The following PRR16 variants were observed in gnomAD, a reference collection of about 807,000 sequenced individuals.
The protein encoded by PRR16 is proline rich 16.
Under a neutral mutation model 18.2 loss-of-function variants are expected in PRR16, and 6 were observed. That is an observed-to-expected ratio of 0.33 (90% CI 0.18 to 0.65). The LOEUF (loss-of-function observed/expected upper bound fraction) is 0.65, where lower values mean the gene tolerates loss of function less well. Ranked by LOEUF, PRR16 falls within the 30% of genes least tolerant of loss-of-function variation. PRR16 has a pLI of 0.74. For missense variants in PRR16, 412 were observed against 376.6 expected (o/e 1.09, Z -0.78); for synonymous variants, 151 against 147.8 (o/e 1.02, Z -0.16).
At chr5:120,712,214 T>C in the PRR16 span, among the ~76,000 whole-genome samples, 1 of 152,152 alleles carries the variant, frequency 6.6e-6, no homozygotes, top group Non-Finnish European at 1.5e-5. Flanking sequence ...CCTTTGTGCG[T>C]GGTAAGAGAA....
chr5:120,520,966 A>T (rs2112651750), intron 1 of PRR16, among the ~76,000 whole-genome samples: 1 of 152,234 alleles, frequency 6.6e-6, no homozygotes, highest in South Asian at 2.1e-4. Flanking sequence ...TGTCCACAAG[A>T]GGCTTATTAG....
intron 1 of PRR16, among the ~76,000 whole-genome samples, chr5:120,478,085 T>C (rs1749500325): frequency 6.6e-6 from 1 of 152,230 alleles, no homozygotes; most frequent in African/African-American, 2.4e-5. Flanking sequence ...TTTTGTTCTC[T>C]TTTTATATTT....
At chr5:120,779,682 TAG>T in the PRR16 span, among the ~76,000 whole-genome samples, 1 of 152,186 alleles carries the variant, frequency 6.6e-6, no homozygotes, top group African/African-American at 2.4e-5. Flanking sequence ...AATTAAATAT[TAG>T]AGGGTATTTA....
intron 1 of PRR16, among the ~76,000 whole-genome samples, chr5:120,519,084 A>C (rs944970407): frequency 6.6e-6 from 1 of 152,008 alleles, no homozygotes; most frequent in African/African-American, 2.4e-5. Flanking sequence ...ATTGAATATA[A>C]CCTGCAAGGA....
At chr5:120,492,333 C>T (rs541965242) in intron 1 of PRR16, among the ~76,000 whole-genome samples, 1 of 150,604 alleles carries the variant, frequency 6.6e-6, no homozygotes, top group Non-Finnish European at 1.5e-5. Context: ...TTTTTCTAGG[C>T]TGGTCTCTAA....
intron 1 of PRR16, among the ~76,000 whole-genome samples, chr5:120,511,730 T>C (rs972025338): frequency 1.2e-4 from 18 of 152,310 alleles, no homozygotes; most frequent in African/African-American, 4.3e-4. Context: ...TCTCATCCTA[T>C]AGAAAAAAGT....
intron 1 of PRR16, among the ~76,000 whole-genome samples, chr5:120,470,102 T>A (rs1030078529): frequency 2.0e-5 from 3 of 152,298 alleles, no homozygotes; most frequent in Middle Eastern, 3.4e-3. Flanking sequence ...GAGCAAAACA[T>A]ATTTTCCCAA....
the PRR16 span, among the ~76,000 whole-genome samples, chr5:120,747,518 GTGT>G: frequency 6.6e-6 from 1 of 152,082 alleles, no homozygotes; most frequent in African/African-American, 2.4e-5. Flanking sequence ...GATTCTCAAG[GTGT>G]TGTAAGATGG....
chr5:120,506,818 T>C (rs1401088371), intron 1 of PRR16, among the ~76,000 whole-genome samples: 1 of 152,030 alleles, frequency 6.6e-6, no homozygotes, highest in African/African-American at 2.4e-5. Flanking sequence ...AGGAAAAGAC[T>C]AAAAAAATAT....
intron 1 of PRR16, among the ~76,000 whole-genome samples, chr5:120,678,902 G>A (rs1756888517): frequency 6.6e-6 from 1 of 151,634 alleles, no homozygotes; most frequent in South Asian, 2.1e-4. Context: ...ACTGAATTTG[G>A]ATTTCCACAA....
chr5:120,642,783 C>A (rs956493943), intron 1 of PRR16, among the ~76,000 whole-genome samples: 2 of 152,060 alleles, frequency 1.3e-5, no homozygotes, highest in South Asian at 2.1e-4. Context: ...ATTACCACTG[C>A]CCACCCATAG....
chr5:120,760,025 G>C, the PRR16 span, among the ~76,000 whole-genome samples: 1 of 152,142 alleles, frequency 6.6e-6, no homozygotes, highest in Non-Finnish European at 1.5e-5. Flanking sequence ...TAGGACTAGA[G>C]TCTCTAAGTC....
the PRR16 span, among the ~76,000 whole-genome samples, chr5:120,788,966 C>T: frequency 6.6e-5 from 10 of 151,756 alleles, no homozygotes; most frequent in African/African-American, 2.2e-4. Flanking sequence ...GTAATTTTGT[C>T]ACAGAATGAC....
downstream of PRR16, among the ~76,000 whole-genome samples, chr5:120,690,313 G>A (rs1757193836): frequency 1.3e-5 from 2 of 152,094 alleles, no homozygotes; most frequent in South Asian, 2.1e-4. Context: ...ACAAGGAATG[G>A]TGTGATCAAG....
rs148247840 is a variant in PRR16 at position 120,602,635 on chromosome 5, T to C, written c.160-83319T>C. On this transcript the variant is annotated intron_variant, in intron 1 of 1. Transcript: ENST00000407149. ...GAGTGATGAGAGTGGCATTCTTGTC[T>C]TGTGCTGGTTTTCAAGAAAAATGCT... 5.6e-3 allele frequency among the ~76,000 whole-genome samples: 845 copies of C among 152,176 alleles called. 3 individuals are homozygous for C. Among genetic ancestry groups the C allele is most frequent in the Non-Finnish European group, 8.6e-3 (584 of 67,956 alleles).
intron 1 of PRR16, among the ~76,000 whole-genome samples, chr5:120,532,538 A>G (rs1751585373): frequency 6.6e-6 from 1 of 152,090 alleles, no homozygotes; most frequent in Non-Finnish European, 1.5e-5. Context: ...CTTTATAGCA[A>G]TTCTTAATAA....
At chr5:120,497,221 G>C (rs1387536941) in intron 1 of PRR16, among the ~76,000 whole-genome samples, 1 of 151,880 alleles carries the variant, frequency 6.6e-6, no homozygotes, top group Non-Finnish European at 1.5e-5. Flanking sequence ...GATTCTATTG[G>C]CTCATGGTAC....
chr5:120,622,347 A>G (rs1354501262), intron 1 of PRR16, among the ~76,000 whole-genome samples: 1 of 152,098 alleles, frequency 6.6e-6, no homozygotes, highest in African/African-American at 2.4e-5. Context: ...CAGTATATAT[A>G]TTTTAAGAGA....
intron 1 of PRR16, among the ~76,000 whole-genome samples, chr5:120,495,795 C>T (rs948208092): frequency 1.3e-5 from 2 of 151,888 alleles, no homozygotes; most frequent in Non-Finnish European, 2.9e-5. Context: ...ATTTGTATGG[C>T]TTTTATATCC....
Sources: allele counts gnomAD v4.1 joint callset (sites outside exome capture counted in the v4.1 genomes callset), GRCh38; gene constraint gnomAD v4.1.1; transcripts MANE v1.5; gene names NCBI Gene and HGNC (gene_info 2026-07-23, HGNC 2026-07-21).